The following NT5C1B variants were observed in gnomAD, a reference collection of about 807,000 sequenced individuals.
NT5C1B encodes 5'-nucleotidase, cytosolic IB.
A neutral mutation model predicts 57.8 loss-of-function variants in NT5C1B; 44 were observed. The observed-to-expected ratio is 0.76, with a 90% CI of 0.60 to 0.98. The LOEUF (loss-of-function observed/expected upper bound fraction) is 0.98, where lower values mean the gene tolerates loss of function less well. Ranked by LOEUF, NT5C1B falls within the 50% of genes least tolerant of loss-of-function variation. The pLI is 0.00. For synonymous variants in NT5C1B, 284 were observed against 282.6 expected (o/e 1.00, Z -0.05); for missense variants, 742 against 719.5 (o/e 1.03, Z -0.36).
chr2:18,573,687 C>A (rs1166752978), intron 8 of NT5C1B, among the ~76,000 whole-genome samples: 1 of 152,068 alleles, frequency 6.6e-6, no homozygotes, highest in Non-Finnish European at 1.5e-5. Context: ...CATGACCAAA[C>A]CAACACCCTA....
intron 8 of NT5C1B, among the ~76,000 whole-genome samples, chr2:18,564,738 A>G (rs904356104): frequency 2.0e-5 from 3 of 152,190 alleles, no homozygotes; most frequent in African/African-American, 7.2e-5. Context: ...TATTACAAAC[A>G]TACTTGAGAT....
chr2:18,564,293 G>C (rs764713452), intron 8 of NT5C1B, among the ~76,000 whole-genome samples, 174 bp from the exon 9 acceptor site: 1 of 152,186 alleles, frequency 6.6e-6, no homozygotes, highest in Admixed American at 6.5e-5. Context: ...ATGTGAATAT[G>C]TTTTCTGATA....
chr2:18,576,084 T>A, intron 8 of NT5C1B, 100 bp downstream of exon 8: 1 of 1,292,012 alleles, frequency 7.7e-7, no homozygotes, highest in East Asian at 2.8e-5. Context: ...GTGCCCTGCC[T>A]AGAATAACTT....
In NT5C1B at chr2:18,565,231, C is replaced by T. The variant is rs149176626; in HGVS notation, c.1330-1112G>A. Among the ~76,000 whole-genome samples, 462 of 152,198 alleles carry T rather than the reference C, an allele frequency of 3.0e-3. 4 individuals are homozygous for T. Among genetic ancestry groups the T allele is most frequent in the African/African-American group, 0.01 (436 of 41,532 alleles). On this transcript the variant is annotated intron_variant, in intron 8 of 8. Coordinates refer to ENST00000304081, the Ensembl canonical transcript of NT5C1B. ...TTTGTTAGTTACATAATTTGTACAT[C>T]ATACAAATTTGTTCATTTGTACGGT...
rs1427622671 is a variant in NT5C1B, at chr2:18,589,308, C to G, written c.30+131G>C. The G allele has an allele frequency of 2.4e-6, 3 of 1,266,640 alleles. No homozygotes were observed. The African/African-American group carries it at 4.4e-5, about 19-fold the overall frequency. The allele number at this position is 1,266,640 out of a possible 1,614,324, so 78.5% of individuals were successfully genotyped here. On this transcript the variant is annotated intron_variant, in intron 1 of 8. Transcript: ENST00000304081. ...CCATTGCCTTTATTCTCTCCCTTCT[C>G]TTTTCCTCTACCTGAAGCCATTATC...
exon 1 of NT5C1B, chr2:18,589,495 T>A: frequency 5.6e-6 from 9 of 1,613,926 alleles, no homozygotes; most frequent in Non-Finnish European, 6.8e-6. Flanking sequence ...ATTCTTTTGT[T>A]GTTATCCACA....
chr2:18,582,140 T>C (rs1267301510), intron 6 of NT5C1B, among the ~76,000 whole-genome samples: 2 of 152,204 alleles, frequency 1.3e-5, no homozygotes, highest in Non-Finnish European at 2.9e-5. Flanking sequence ...AGACTGCACT[T>C]TTAAAAGGCA....
At chr2:18,570,095 TCTAAC>T (rs1230510135) in intron 8 of NT5C1B, among the ~76,000 whole-genome samples, 2 of 152,040 alleles carry the variant, frequency 1.3e-5, no homozygotes, top group Non-Finnish European at 2.9e-5. Context: ...ATAACCTACT[TCTAAC>T]CTATTTCCTT....
At position 18,585,276 on chromosome 2, in the gene NT5C1B, G is replaced by T; in HGVS notation, c.259-298C>A. On this transcript the variant is annotated intron_variant, in intron 3 of 8. Transcript: ENST00000304081. ...TCCTCTTCCTCCCCCTTAGGCAGCT[G>T]ACACATGGTTTGCAAAGTTCTGTCC... The T allele has an allele frequency of 3.0e-6, 2 of 659,216 alleles. 1 individual carries two copies. The allele number at this position is 659,216 out of a possible 1,614,324, so 40.8% of individuals were successfully genotyped here. A position where few individuals can be genotyped will look rare whatever the true frequency, so the allele number is the denominator to read the frequency against.
At chr2:18,577,476 G>T (rs1424997248) in intron 6 of NT5C1B, among the ~76,000 whole-genome samples, 1 of 143,892 alleles carries the variant, frequency 6.9e-6, no homozygotes, top group Non-Finnish European at 1.5e-5. Flanking sequence ...CAATTACATG[G>T]AAAGTAAACA....
At position 18,584,112 on chromosome 2, in the gene NT5C1B, CG is replaced by C. The variant is rs1460061070; in HGVS notation, c.866del (p.Pro289ArgfsTer33). The C allele has an allele frequency of 6.2e-7, 1 of 1,614,012 alleles. No individual in the cohort carries two copies. The highest frequency in any genetic ancestry group is 8.5e-7 in the Non-Finnish European group (1 of 1,180,040). ...CCTTGACGAAGCGGAACGCCGGGCC[CG>C]GGGTCAGGATGACGTTCTCATTGGT... On this transcript the variant is annotated frameshift_variant, in exon 5 of 9. Coordinates refer to ENST00000304081, the Ensembl canonical transcript of NT5C1B. LOFTEE classifies it high-confidence loss of function. This position sits in a 1 kb window ranked among gnomAD's most constrained non-coding sequence, Gnocchi z 5.8.
chr2:18,576,161 TA>T (rs768690235), intron 8 of NT5C1B, 22 bp downstream of exon 8: 1 of 1,559,434 alleles, frequency 6.4e-7, no homozygotes, highest in Non-Finnish European at 8.6e-7. Context: ...ACATAAAAAT[TA>T]ATTAGCACTC....
chr2:18,587,268 G>T, intron 2 of NT5C1B: 1 of 1,499,398 alleles, frequency 6.7e-7, no homozygotes. Flanking sequence ...TGTAGGCTGA[G>T]CAGAGGAGCC....
intron 2 of NT5C1B, 26 bp downstream of exon 2, chr2:18,587,477 C>T: frequency 1.9e-6 from 3 of 1,601,392 alleles, no homozygotes; most frequent in South Asian, 2.3e-5. Context: ...TTAATTTCCT[C>T]ACCTCTGCTA....
At chr2:18,566,296 A>T (rs1205266109) in intron 8 of NT5C1B, among the ~76,000 whole-genome samples, 1 of 152,152 alleles carries the variant, frequency 6.6e-6, no homozygotes, top group South Asian at 2.1e-4. Context: ...TTGGAGACTG[A>T]CTTGTTTTCA....
At chr2:18,587,828 G>T (rs758031615) in intron 1 of NT5C1B, among the ~76,000 whole-genome samples, 1 of 152,140 alleles carries the variant, frequency 6.6e-6, no homozygotes, top group Non-Finnish European at 1.5e-5. Context: ...TTGGTTCATA[G>T]ATTTGAGATA....
intron 3 of NT5C1B, 113 bp downstream of exon 3, chr2:18,586,141 T>G (rs994395829): frequency 1.4e-6 from 2 of 1,463,396 alleles, no homozygotes; most frequent in African/African-American, 2.8e-5. Context: ...AGGGCTAAAT[T>G]AGCTAACACA....
chr2:18,563,874 G>C, exon 9 of NT5C1B: 1 of 1,613,914 alleles, frequency 6.2e-7, no homozygotes, highest in Non-Finnish European at 8.5e-7. Flanking sequence ...GGAACATGTG[G>C]TCATCAAAGA....
chr2:18,576,834 T>C, exon 7 of NT5C1B: 3 of 1,613,938 alleles, frequency 1.9e-6, no homozygotes, highest in South Asian at 1.1e-5. Context: ...TGGTAAGATA[T>C]GCCTTCAAAT....
Sources: allele counts gnomAD v4.1 joint callset (sites outside exome capture counted in the v4.1 genomes callset), GRCh38; gene constraint gnomAD v4.1.1; non-coding constraint Gnocchi (gnomAD v3.1); transcripts MANE v1.5; gene names NCBI Gene and HGNC (gene_info 2026-07-23, HGNC 2026-07-21).